RBFOX2: variants seen among roughly 807,000 people sequenced by gnomAD.
The protein encoded by RBFOX2 is RNA binding protein fox-1 homolog 2.
Under a neutral mutation model 49.1 loss-of-function variants are expected in RBFOX2, and 10 were observed. That is an observed-to-expected ratio of 0.20 (90% CI 0.13 to 0.35). RBFOX2 has a LOEUF of 0.35. Among genes scored for constraint, RBFOX2 ranks in the 10% least tolerant of loss-of-function variants. RBFOX2 has a pLI of 1.00. For missense variants in RBFOX2, 323 were observed against 486.9 expected (o/e 0.66, Z 3.17); for synonymous variants, 183 against 187.4 (o/e 0.98, Z 0.19).
At chr22:36,017,630 C>T (rs921700611) in intron 1 of RBFOX2, among the ~76,000 whole-genome samples, 2 of 152,136 alleles carry the variant, frequency 1.3e-5, no homozygotes, top group Non-Finnish European at 2.9e-5. Flanking sequence ...TAGTTCTCAC[C>T]CCAAATGGTG....
chr22:36,019,453 A>G (rs2059162850), intron 1 of RBFOX2, among the ~76,000 whole-genome samples: 1 of 152,266 alleles, frequency 6.6e-6, no homozygotes, highest in South Asian at 2.1e-4. Context: ...TGAGTGCTGT[A>G]TAGCAGGATA....
chr22:35,951,542 G>A lies in RBFOX2; in HGVS notation c.42+10021C>T, dbSNP rs550841867. On this transcript the variant is annotated intron_variant, in intron 1 of 5. Coordinates refer to the RBFOX2 transcript ENST00000408983. Reference sequence around the variant, plus strand: ...TTACAGGCATAAGCCACTGCGCCTGGAGGTAAATAATTCTTTATATTAAAT... The same window carrying A: ...TTACAGGCATAAGCCACTGCGCCTGAAGGTAAATAATTCTTTATATTAAAT... Among the ~76,000 whole-genome samples the A allele has an allele frequency of 6.6e-5, 10 of 152,206 alleles. No individual in the cohort carries two copies. The South Asian group carries it at 2.1e-3, about 32-fold the overall frequency.
At chr22:35,900,012 T>A (rs961420364) in intron 1 of RBFOX2, among the ~76,000 whole-genome samples, 4 of 152,160 alleles carry the variant, frequency 2.6e-5, no homozygotes, top group African/African-American at 9.7e-5. Flanking sequence ...AATTCCTACA[T>A]CTCAAAAATG....
intron 6 of RBFOX2, among the ~76,000 whole-genome samples, chr22:35,763,865 C>T (rs1296508526): frequency 6.6e-6 from 1 of 152,166 alleles, no homozygotes; most frequent in African/African-American, 2.4e-5. Context: ...GGTTAAAAAA[C>T]TGGTCCACTG....
At chr22:35,960,386 C>T (rs1013975994) in intron 1 of RBFOX2, among the ~76,000 whole-genome samples, 1 of 152,152 alleles carries the variant, frequency 6.6e-6, no homozygotes, top group Non-Finnish European at 1.5e-5. Context: ...GGGGTTCAGA[C>T]TTGAACCAAC....
intron 1 of RBFOX2, among the ~76,000 whole-genome samples, chr22:35,850,819 C>T (rs184525197): frequency 1.1e-3 from 173 of 152,250 alleles, no homozygotes; most frequent in Non-Finnish European, 2.0e-3. Flanking sequence ...AAAAAGGACA[C>T]AGAGTGAGCA....
intron 1 of RBFOX2, among the ~76,000 whole-genome samples, chr22:35,822,358 T>G (rs913015475): frequency 6.6e-6 from 1 of 152,236 alleles, no homozygotes; most frequent in Non-Finnish European, 1.5e-5. Context: ...TAAATGAGTA[T>G]TTATGAGTAT....
At chr22:35,775,800 C>T (rs1470013337) in intron 4 of RBFOX2, among the ~76,000 whole-genome samples, 1 of 123,982 alleles carries the variant, frequency 8.1e-6, no homozygotes, top group East Asian at 2.4e-4. Flanking sequence ...AAGACTGTGC[C>T]AATGCAACTT....
At chr22:35,956,258 T>C (rs1402820323) in intron 1 of RBFOX2, among the ~76,000 whole-genome samples, 1 of 152,240 alleles carries the variant, frequency 6.6e-6, no homozygotes, top group African/African-American at 2.4e-5. Context: ...GTCAAGCTCA[T>C]AGGCCAGGAT....
chr22:35,926,738 A>C (rs1428164816), intron 1 of RBFOX2, among the ~76,000 whole-genome samples: 1 of 152,216 alleles, frequency 6.6e-6, no homozygotes, highest in Non-Finnish European at 1.5e-5. Context: ...ACAGATCCAC[A>C]GTAGCCCTGA....
chr22:35,807,298 T>A (rs1265878515), intron 2 of RBFOX2, among the ~76,000 whole-genome samples: 2 of 152,282 alleles, frequency 1.3e-5, no homozygotes, highest in South Asian at 4.1e-4. Flanking sequence ...GAGGGACATT[T>A]CATATTGATG....
intron 1 of RBFOX2, among the ~76,000 whole-genome samples, chr22:35,945,838 G>A (rs1260854310): frequency 1.3e-5 from 2 of 152,118 alleles, no homozygotes; most frequent in East Asian, 1.9e-4. Context: ...TAAGTGATAC[G>A]AATCTGATAG....
chr22:35,779,121 T>C (rs1944570429), intron 3 of RBFOX2, among the ~76,000 whole-genome samples: 2 of 152,152 alleles, frequency 1.3e-5, no homozygotes, highest in African/African-American at 4.8e-5. Context: ...AAGCCTAAAC[T>C]CTACTGTTAG....
intron 1 of RBFOX2, among the ~76,000 whole-genome samples, chr22:35,979,424 T>G (rs2057351900): frequency 6.6e-6 from 1 of 152,220 alleles, no homozygotes; most frequent in Non-Finnish European, 1.5e-5. Context: ...TCTCTGCCAG[T>G]TATATAGGAA....
intron 4 of RBFOX2, 47 bp downstream of exon 5, chr22:35,777,978 A>G (rs762189355): frequency 6.5e-7 from 1 of 1,528,654 alleles, no homozygotes; most frequent in Non-Finnish European, 9.0e-7. Flanking sequence ...AAATAACATA[A>G]AACTCAAAAA....
chr22:35,944,169 C>T (rs771589759), intron 1 of RBFOX2, among the ~76,000 whole-genome samples: 3 of 152,094 alleles, frequency 2.0e-5, no homozygotes, highest in African/African-American at 7.2e-5. Flanking sequence ...CAAGACAGTG[C>T]GACTGATACC....
chr22:35,881,265 G>A (rs2045861359), intron 1 of RBFOX2, among the ~76,000 whole-genome samples: 3 of 144,972 alleles, frequency 2.1e-5, no homozygotes, highest in Non-Finnish European at 4.5e-5. Flanking sequence ...CTCCGTCTCG[G>A]GTGGCAGGGA....
chr22:35,810,598 C>T (rs908903432), intron 1 of RBFOX2, among the ~76,000 whole-genome samples: 2 of 152,066 alleles, frequency 1.3e-5, no homozygotes, highest in African/African-American at 4.8e-5. Context: ...ATACAAACAA[C>T]TAATAAAAAT....
chr22:35,769,127 C>T (rs1334644146), intron 4 of RBFOX2, among the ~76,000 whole-genome samples: 1 of 152,006 alleles, frequency 6.6e-6, no homozygotes, highest in African/African-American at 2.4e-5. Flanking sequence ...CCAAATTTGC[C>T]TAAATTATTC....
Sources: allele counts gnomAD v4.1 joint callset (sites outside exome capture counted in the v4.1 genomes callset), GRCh38; gene constraint gnomAD v4.1.1; transcripts MANE v1.5; gene names NCBI Gene and HGNC (gene_info 2026-07-23, HGNC 2026-07-21).